Variants in TBC1D22A observed in about 807,000 individuals in gnomAD.
TBC1D22A encodes the protein putative GTPase activator.
TBC1D22A carries 38 observed loss-of-function variants against 60.2 expected under a neutral mutation model. The observed-to-expected ratio is 0.63, with a 90% CI of 0.49 to 0.83. The LOEUF (loss-of-function observed/expected upper bound fraction) is 0.83, where lower values mean the gene tolerates loss of function less well. TBC1D22A is among the 40% of genes least tolerant of loss of function. The probability of loss-of-function intolerance (pLI) is 0.00; values close to 1 mark genes in which losing one functional copy is unlikely to be tolerated. For synonymous variants in TBC1D22A, 302 were observed against 281.7 expected (o/e 1.07, Z -0.72); for missense variants, 628 against 701.0 (o/e 0.90, Z 1.18).
chr22:46,881,976 C>T (rs151137088), intron 5 of TBC1D22A, among the ~76,000 whole-genome samples: 34 of 152,312 alleles, frequency 2.2e-4, no homozygotes, highest in African/African-American at 7.9e-4. Flanking sequence ...CACATCTGCC[C>T]TCAGCCAGGC....
intron 5 of TBC1D22A, among the ~76,000 whole-genome samples, chr22:46,885,077 G>GA (rs1487943223): frequency 6.6e-6 from 1 of 152,228 alleles, no homozygotes; most frequent in African/African-American, 2.4e-5. Flanking sequence ...AGAAAGGACC[G>GA]TGGGGTCTTT....
intron 10 of TBC1D22A, among the ~76,000 whole-genome samples, chr22:47,014,718 C>T (rs1471132911): frequency 2.0e-5 from 3 of 146,914 alleles, no homozygotes; most frequent in Non-Finnish European, 4.5e-5. Context: ...AGGATTGGAG[C>T]TTGGGTCTGT....
At chr22:47,116,393 C>T (rs922477929) in intron 12 of TBC1D22A, 2 of 152,302 alleles carry the variant, frequency 1.3e-5, no homozygotes, top group Non-Finnish European at 2.9e-5. Context: ...GGAACCTCCT[C>T]TGAGGAGGCC....
At chr22:46,971,702 C>A (rs1741926215) in intron 8 of TBC1D22A, among the ~76,000 whole-genome samples, 1 of 152,202 alleles carries the variant, frequency 6.6e-6, no homozygotes, top group African/African-American at 2.4e-5. Context: ...CATTGCCTCA[C>A]AAAGCACACT....
chr22:46,825,508 C>T (rs1429435110), intron 4 of TBC1D22A, among the ~76,000 whole-genome samples: 1 of 152,232 alleles, frequency 6.6e-6, no homozygotes, highest in Non-Finnish European at 1.5e-5. Context: ...GAGTCTCACT[C>T]TATCACCCGG....
intron 12 of TBC1D22A, among the ~76,000 whole-genome samples, chr22:47,164,934 A>G (rs1306405772): frequency 5.9e-5 from 9 of 152,186 alleles, no homozygotes; most frequent in Admixed American, 5.9e-4. Flanking sequence ...GGTAGGATCA[A>G]CGATCTTTGA....
intron 8 of TBC1D22A, among the ~76,000 whole-genome samples, chr22:46,936,653 C>T (rs1247112699): frequency 6.6e-6 from 1 of 152,238 alleles, no homozygotes; most frequent in Admixed American, 6.5e-5. Context: ...GTTAACCGCT[C>T]AGGCTCTGCA....
At chr22:46,976,301 T>C (rs1403743517) in intron 9 of TBC1D22A, among the ~76,000 whole-genome samples, 1 of 152,212 alleles carries the variant, frequency 6.6e-6, no homozygotes, top group South Asian at 2.1e-4. Context: ...TCCTGGCGCG[T>C]GTGTTTATAG....
In TBC1D22A at chr22:47,071,194, G is replaced by A. The variant is rs116170223; in HGVS notation, c.1329+33996G>A. ...CAAATAAAACCACAGTAATTTCCAC[G>A]TATTAAGAGCCCACATGCGCCTATC... On this transcript the variant is annotated intron_variant, in intron 11 of 12. Coordinates refer to ENST00000337137, the MANE Select transcript of TBC1D22A (RefSeq NM_014346.5). Among the ~76,000 whole-genome samples the A allele has an allele frequency of 1.6e-3, 243 of 152,320 alleles. 1 individual carries two copies. The highest frequency in any genetic ancestry group is 5.7e-3 in the African/African-American group (237 of 41,564).
At chr22:47,012,903 A>G (rs2061795800) in intron 10 of TBC1D22A, among the ~76,000 whole-genome samples, 1 of 152,172 alleles carries the variant, frequency 6.6e-6, no homozygotes, top group East Asian at 1.9e-4. Flanking sequence ...AGAATCATAA[A>G]AAACTTGCTG....
intron 9 of TBC1D22A, among the ~76,000 whole-genome samples, chr22:46,980,854 AGAG>A (rs1453321508): frequency 6.6e-6 from 1 of 152,246 alleles, no homozygotes; most frequent in Non-Finnish European, 1.5e-5. Context: ...TGAATAAGAA[AGAG>A]AAGAGAAAGT....
chr22:46,925,508 A>G (rs185708753), intron 8 of TBC1D22A, among the ~76,000 whole-genome samples: 1 of 152,368 alleles, frequency 6.6e-6, no homozygotes, highest in East Asian at 1.9e-4. Flanking sequence ...TAATGGACTT[A>G]CTGTTTAAAA....
chr22:47,057,591 G>A (rs1285739973), intron 11 of TBC1D22A, among the ~76,000 whole-genome samples: 1 of 152,200 alleles, frequency 6.6e-6, no homozygotes, highest in African/African-American at 2.4e-5. Flanking sequence ...CCACATGGCT[G>A]GGGAGGCCTC....
At position 47,148,509 on chromosome 22, in the gene TBC1D22A, CG is replaced by C. The variant is rs201092231; in HGVS notation, c.1426-24988del. Among the ~76,000 whole-genome samples the C allele has an allele frequency of 8.8e-3, 1,341 of 152,244 alleles. 27 individuals are homozygous for C. The highest frequency in any genetic ancestry group is 0.031 in the African/African-American group (1,278 of 41,520). The stretch of plus-strand genomic sequence containing the variant: ...TCGCTTGAGACCCTGGAGTTGGGTG[CG>C]TCTCAAGGGCCTGAACAGAGTCCCC... On this transcript the variant is annotated intron_variant, in intron 12 of 12. Coordinates refer to ENST00000337137, the MANE Select transcript of TBC1D22A (RefSeq NM_014346.5).
rs773973170 is a variant in TBC1D22A at position 46,974,883 on chromosome 22, C to T, written c.1125+484C>T. 8.0e-4 allele frequency among the ~76,000 whole-genome samples: 122 copies of T among 152,224 alleles called. 1 individual carries two copies. Among genetic ancestry groups the T allele is most frequent in the Non-Finnish European group, 1.1e-3 (74 of 68,034 alleles). On this transcript the variant is annotated intron_variant, in intron 9 of 12. Transcript: ENST00000337137. ...CTGTGCCTGCTCCCAGAGAGCAACA[C>T]GAGCTGGTGGGAGTCCCCTGCACCA...
intron 1 of TBC1D22A, among the ~76,000 whole-genome samples, chr22:46,774,984 A>G (rs1026437106): frequency 6.6e-6 from 1 of 152,214 alleles, no homozygotes; most frequent in Admixed American, 6.5e-5. Context: ...TTCTTTTATC[A>G]AACATTTTTA....
chr22:47,120,285 A>G (rs115109835), intron 12 of TBC1D22A, among the ~76,000 whole-genome samples: 1,637 of 152,336 alleles, frequency 0.011, 32 homozygotes, highest in African/African-American at 0.037. Context: ...AACATTTTAA[A>G]TCAACAACCA....
At chr22:46,795,582 G>A (rs2084616238) in intron 3 of TBC1D22A, among the ~76,000 whole-genome samples, 2 of 152,234 alleles carry the variant, frequency 1.3e-5, no homozygotes, top group African/African-American at 2.4e-5. Context: ...CCACTTGCCT[G>A]CCTTGGAGTT....
At chr22:47,073,575 A>G (rs2064089208) in intron 11 of TBC1D22A, among the ~76,000 whole-genome samples, 1 of 152,182 alleles carries the variant, frequency 6.6e-6, no homozygotes. Context: ...AAATTTAAAA[A>G]AACACATAAA....
Sources: gnomAD v4.1 joint callset for allele counts (sites outside exome capture counted in the v4.1 genomes callset) on GRCh38, gnomAD v4.1.1 for gene constraint, MANE v1.5 for transcripts, NCBI Gene and HGNC (gene_info 2026-07-23, HGNC 2026-07-21) for gene names.